ATF7IP: variants seen among roughly 807,000 people sequenced by gnomAD.
ATF7IP encodes activating transcription factor 7-interacting protein 1.
In ATF7IP, 23 loss-of-function variants were observed where a neutral mutation model predicts 106.4. The ratio of observed to expected loss-of-function variants is 0.22; its 90% CI spans 0.16 to 0.31. The LOEUF is 0.31. Among genes scored for constraint, ATF7IP ranks in the 10% least tolerant of loss-of-function variants. The pLI is 1.00. For synonymous variants in ATF7IP, 542 were observed against 539.0 expected (o/e 1.01, Z -0.08); for missense variants, 1,334 against 1,524.3 (o/e 0.88, Z 2.08).
At chr12:14,472,678 A>G (rs531850749) in intron 10 of ATF7IP, among the ~76,000 whole-genome samples, 19 of 152,096 alleles carry the variant, frequency 1.2e-4, no homozygotes, top group Admixed American at 1.1e-3. Context: ...CATGCTTTTG[A>G]TTTTCCTCTA....
intron 8 of ATF7IP, among the ~76,000 whole-genome samples, chr12:14,458,473 G>A (rs964686816): frequency 4.6e-5 from 7 of 152,162 alleles, no homozygotes; most frequent in Non-Finnish European, 1.0e-4. Context: ...TTTAAGGTTG[G>A]TTGTGAAGTG....
chr12:14,416,075 T>TA (rs1941191704), intron 1 of ATF7IP, among the ~76,000 whole-genome samples: 1 of 152,148 alleles, frequency 6.6e-6, no homozygotes, highest in Admixed American at 6.5e-5. Flanking sequence ...CAGTAAGCAG[T>TA]AAAGCAGATT....
chr12:14,434,354 G>T lies in ATF7IP; in HGVS notation c.1576G>T (p.Glu526Ter). 1 of 1,574,640 alleles carries T rather than the reference G, an allele frequency of 6.4e-7. No individual in the cohort carries two copies. The highest frequency in any genetic ancestry group is 8.7e-7 in the Non-Finnish European group (1 of 1,149,158). ...GTTAACAGCAGAAGTAGAAAGTAATGAAAAGGACAACAAACCTGAGGAAGA... is the reference window on the plus strand; with the variant it reads ...GTTAACAGCAGAAGTAGAAAGTAATTAAAAGGACAACAAACCTGAGGAAGA... ...TCSPAEVESN[E>*]KDNKPEEEEQ... The change falls in exon 3 of 15, where the codon GAA (glutamate) becomes TAA (stop). Residue 526 changes from glutamate (E) to a stop codon, truncating the protein, a stop_gained. Transcript: ENST00000261168. LOFTEE classifies it high-confidence loss of function.
chr12:14,400,239 T>C (rs1280245323), intron 1 of ATF7IP, among the ~76,000 whole-genome samples: 6 of 152,262 alleles, frequency 3.9e-5, no homozygotes, highest in Non-Finnish European at 8.8e-5. Flanking sequence ...GTCTTTAAAA[T>C]ATCACTTGCA....
Position 14,446,969 on chromosome 12 carries a change from T to TG in ATF7IP, c.1930-19_1930-18insG, listed in dbSNP as rs777816775. 7.9e-7 allele frequency: 1 copy of TG among 1,270,050 alleles called. No individual in the cohort carries two copies. The highest frequency in any genetic ancestry group is 1.0e-6 in the Non-Finnish European group (1 of 959,794). The allele number at this position is 1,270,050 out of a possible 1,614,324, so 78.7% of individuals were successfully genotyped here. On this transcript the variant is annotated intron_variant, in intron 5 of 14. Coordinates refer to ENST00000261168, the MANE Select transcript of ATF7IP (RefSeq NM_018179.5). ...ACTATTTGATTTCCATTCATTTTTG[T>TG]CTTTTTTTTTTTTTTCAGGCCAAGA...
At chr12:14,480,348 T>A (rs1466924091) in intron 12 of ATF7IP, among the ~76,000 whole-genome samples, 3 of 152,178 alleles carry the variant, frequency 2.0e-5, no homozygotes. Context: ...TGATAAATAT[T>A]TATTAACATT....
At chr12:14,439,964 A>C (rs1282041192) in intron 5 of ATF7IP, among the ~76,000 whole-genome samples, 2 of 152,150 alleles carry the variant, frequency 1.3e-5, no homozygotes, top group Admixed American at 1.3e-4. Context: ...TTTGTACTTA[A>C]ATGTTGCTTG....
chr12:14,380,806 G>T, intron 1 of ATF7IP, among the ~76,000 whole-genome samples: 1 of 152,126 alleles, frequency 6.6e-6, no homozygotes, highest in East Asian at 1.9e-4. Flanking sequence ...TTTTAGTAGA[G>T]ACGGGGTTTT....
At chr12:14,372,032 G>A (rs186685554) in intron 1 of ATF7IP, among the ~76,000 whole-genome samples, 118 of 152,236 alleles carry the variant, frequency 7.8e-4, no homozygotes, top group African/African-American at 2.5e-3. Flanking sequence ...TAGCTTCAGA[G>A]ACCATAGTCC....
intron 8 of ATF7IP, 47 bp downstream of exon 8, chr12:14,457,342 G>A (rs1159176098): frequency 2.2e-6 from 3 of 1,344,962 alleles, no homozygotes; most frequent in Non-Finnish European, 3.1e-6. Flanking sequence ...AGGAATTAAA[G>A]GCTTTGGTTC....
intron 1 of ATF7IP, chr12:14,395,163 T>A (rs949216776): frequency 6.6e-6 from 1 of 152,132 alleles, no homozygotes. Flanking sequence ...CCTAGAAGTC[T>A]GCATTAGCTT....
chr12:14,428,784 A>G (rs928547462), intron 2 of ATF7IP, among the ~76,000 whole-genome samples: 2 of 152,364 alleles, frequency 1.3e-5, no homozygotes, highest in African/African-American at 4.8e-5. Flanking sequence ...CAGCAGCAAC[A>G]AGAAATAATG....
chr12:14,399,043 T>C (rs1438119771), intron 1 of ATF7IP, among the ~76,000 whole-genome samples: 1 of 152,138 alleles, frequency 6.6e-6, no homozygotes, highest in Non-Finnish European at 1.5e-5. Context: ...ATTGCAATTA[T>C]CTGGATAAAT....
chr12:14,404,827 C>T (rs1940467877), intron 1 of ATF7IP, among the ~76,000 whole-genome samples: 1 of 132,588 alleles, frequency 7.5e-6, no homozygotes, highest in Non-Finnish European at 1.8e-5. Flanking sequence ...ATGGAGACCA[C>T]TGGCTTATTT....
At chr12:14,378,783 T>A (rs1205449768) in intron 1 of ATF7IP, among the ~76,000 whole-genome samples, 1 of 152,246 alleles carries the variant, frequency 6.6e-6, no homozygotes, top group African/African-American at 2.4e-5. Flanking sequence ...GTCAACTTTA[T>A]ACCAGGATGC....
chr12:14,386,791 T>C (rs74067874), intron 1 of ATF7IP, among the ~76,000 whole-genome samples: 15 of 152,270 alleles, frequency 9.9e-5, no homozygotes, highest in African/African-American at 3.6e-4. Flanking sequence ...AGTTCACTTA[T>C]TTGTAGAACC....
At chr12:14,403,527 T>A (rs1486175526) in intron 1 of ATF7IP, among the ~76,000 whole-genome samples, 1 of 152,220 alleles carries the variant, frequency 6.6e-6, no homozygotes, top group Non-Finnish European at 1.5e-5. Context: ...ATTGTTGTGC[T>A]GTTAACAGTG....
intron 13 of ATF7IP, among the ~76,000 whole-genome samples, chr12:14,494,071 A>G (rs757310256): frequency 6.6e-6 from 1 of 151,580 alleles, no homozygotes; most frequent in African/African-American, 2.4e-5. Context: ...ATTTTGCATA[A>G]CCCTCTAAAC....
At chr12:14,417,542 G>C (rs547853084) in intron 1 of ATF7IP, among the ~76,000 whole-genome samples, 65 of 152,088 alleles carry the variant, frequency 4.3e-4, no homozygotes, top group African/African-American at 1.5e-3. Context: ...TTTTTAAAAA[G>C]AAATTTACAT....
Sources: allele counts gnomAD v4.1 joint callset (sites outside exome capture counted in the v4.1 genomes callset), GRCh38; gene constraint gnomAD v4.1.1; transcripts MANE v1.5; gene names NCBI Gene and HGNC (gene_info 2026-07-23, HGNC 2026-07-21).